The following PHACTR1 variants were observed in gnomAD, a reference collection of about 807,000 sequenced individuals.
The protein encoded by PHACTR1 is RPEL repeat containing 1.
In PHACTR1, 16 loss-of-function variants were observed where a neutral mutation model predicts 69.2. The observed-to-expected ratio is 0.23, with a 90% CI of 0.16 to 0.35. The LOEUF (loss-of-function observed/expected upper bound fraction) is 0.35. PHACTR1 is among the 10% of genes least tolerant of loss of function. The pLI, the probability that PHACTR1 is intolerant of heterozygous loss-of-function variation, is 1.00. For synonymous variants in PHACTR1, 312 were observed against 284.5 expected (o/e 1.10, Z -0.97); for missense variants, 510 against 734.7 (o/e 0.69, Z 3.54).
chr6:13,194,421 AG>A (rs1340221143), intron 7 of PHACTR1, among the ~76,000 whole-genome samples: 52 of 145,562 alleles, frequency 3.6e-4, no homozygotes, highest in African/African-American at 1.0e-3. Context: ...AAAAAAAGAA[AG>A]AAAGGAAAAA....
Position 12,973,779 on chromosome 6 carries a change from C to A in PHACTR1, c.251-79586C>A, listed in dbSNP as rs567442796. ...GACTGTTCTGACCAAAGGCACGCTG[C>A]AAAGAAAGGAGCTTATTGATTGTTA... On this transcript the variant is annotated intron_variant, in intron 4 of 14. Transcript: ENST00000332995. 3.9e-5 allele frequency among the ~76,000 whole-genome samples: 6 copies of A among 152,106 alleles called. No individual in the cohort carries two copies. The East Asian group carries it at 1.2e-3, about 29-fold the overall frequency.
At chr6:13,024,540 A>G (rs1182555803) in intron 4 of PHACTR1, among the ~76,000 whole-genome samples, 1 of 152,044 alleles carries the variant, frequency 6.6e-6, no homozygotes, top group Non-Finnish European at 1.5e-5. Flanking sequence ...TCCCTTTACC[A>G]TCCCCCTGAA....
intron 4 of PHACTR1, among the ~76,000 whole-genome samples, chr6:13,018,573 G>A (rs962906611): frequency 1.3e-5 from 2 of 152,128 alleles, no homozygotes; most frequent in Non-Finnish European, 2.9e-5. Context: ...CTGCTATACT[G>A]TGCTGCTCTG....
chr6:12,796,815 G>A (rs144077901), intron 4 of PHACTR1, among the ~76,000 whole-genome samples: 19 of 152,250 alleles, frequency 1.2e-4, no homozygotes, highest in African/African-American at 4.3e-4. Flanking sequence ...ATTAATTTCC[G>A]GAGGAAGTGC....
At chr6:12,869,053 C>G (rs1781759337) in intron 4 of PHACTR1, among the ~76,000 whole-genome samples, 1 of 152,110 alleles carries the variant, frequency 6.6e-6, no homozygotes, top group Non-Finnish European at 1.5e-5. Context: ...ATACTCTTCT[C>G]TTCATCCAAG....
intron 4 of PHACTR1, among the ~76,000 whole-genome samples, chr6:12,857,778 C>A (rs1780546526): frequency 6.6e-6 from 1 of 152,106 alleles, no homozygotes; most frequent in African/African-American, 2.4e-5. Flanking sequence ...ATTAATGTCT[C>A]CCAGTACTAG....
At chr6:12,883,710 AGTT>A (rs1283386741) in intron 4 of PHACTR1, among the ~76,000 whole-genome samples, 1 of 152,004 alleles carries the variant, frequency 6.6e-6, no homozygotes, top group Non-Finnish European at 1.5e-5. Flanking sequence ...AGCTGGAACA[AGTT>A]GATAAGATCT....
intron 3 of PHACTR1, among the ~76,000 whole-genome samples, chr6:12,728,224 C>T (rs1763045869): frequency 6.6e-6 from 1 of 152,020 alleles, no homozygotes; most frequent in South Asian, 2.1e-4. Flanking sequence ...GAGGCTGAGG[C>T]GGGCGGATTG....
chr6:12,741,381 A>C (rs1312293542), intron 3 of PHACTR1, among the ~76,000 whole-genome samples: 1 of 151,902 alleles, frequency 6.6e-6, no homozygotes, highest in Non-Finnish European at 1.5e-5. Flanking sequence ...TTTGTTATTA[A>C]CCTTTAATTT....
chr6:13,164,815 A>G (rs1314415610), intron 6 of PHACTR1, among the ~76,000 whole-genome samples: 1 of 152,228 alleles, frequency 6.6e-6, no homozygotes, highest in African/African-American at 2.4e-5. Context: ...TAAAATCCCA[A>G]ACTGGTCAAT....
chr6:13,029,512 T>C (rs1313598954), intron 4 of PHACTR1, among the ~76,000 whole-genome samples: 1 of 152,170 alleles, frequency 6.6e-6, no homozygotes, highest in Admixed American at 6.5e-5. Flanking sequence ...ACTCATATAG[T>C]ACTGCCATCA....
At chr6:12,890,353 T>C (rs1784057350) in intron 4 of PHACTR1, among the ~76,000 whole-genome samples, 1 of 152,160 alleles carries the variant, frequency 6.6e-6, no homozygotes, top group Admixed American at 6.5e-5. Context: ...TTTCATTCCC[T>C]GCAGTCCCCA....
intron 4 of PHACTR1, among the ~76,000 whole-genome samples, chr6:12,793,782 T>C (rs1233908930): frequency 6.6e-6 from 1 of 152,240 alleles, no homozygotes; most frequent in African/African-American, 2.4e-5. Context: ...CTCATGTTTC[T>C]GTTTTCTTTA....
intron 6 of PHACTR1, among the ~76,000 whole-genome samples, chr6:13,163,796 T>C (rs1019742388): frequency 1.3e-5 from 2 of 152,206 alleles, no homozygotes; most frequent in African/African-American, 4.8e-5. Flanking sequence ...TCTGAAAGTA[T>C]GGGTGATGTT....
At chr6:12,829,604 A>G (rs1290559667) in intron 4 of PHACTR1, among the ~76,000 whole-genome samples, 3 of 152,106 alleles carry the variant, frequency 2.0e-5, no homozygotes, top group African/African-American at 4.8e-5. Flanking sequence ...CCCAGAAGAG[A>G]TCTTAAATTA....
intron 4 of PHACTR1, among the ~76,000 whole-genome samples, chr6:12,995,549 T>G (rs1353657717): frequency 6.6e-6 from 1 of 152,006 alleles, no homozygotes; most frequent in African/African-American, 2.4e-5. Flanking sequence ...ATAAGGAAAA[T>G]TGTTACTTAA....
intron 4 of PHACTR1, among the ~76,000 whole-genome samples, chr6:12,839,299 G>A (rs1444469361): frequency 6.6e-6 from 1 of 152,150 alleles, no homozygotes; most frequent in Middle Eastern, 3.2e-3. Flanking sequence ...TGTGACCAAG[G>A]AATGGTGTCA....
intron 4 of PHACTR1, among the ~76,000 whole-genome samples, chr6:12,946,581 G>C (rs1790692511): frequency 6.6e-6 from 1 of 152,098 alleles, no homozygotes; most frequent in Non-Finnish European, 1.5e-5. Flanking sequence ...CCAGGGAAAA[G>C]TAAGGCCAAA....
In PHACTR1 at chr6:13,179,226, A is replaced by G. The variant is rs1478602060; in HGVS notation, c.497-3293A>G. The stretch of plus-strand genomic sequence containing the variant: ...ACTCCAGCCTGGGCAACAGAGTGAG[A>G]CCCTGTCTCAAACAAACAGCAACAA... On this transcript the variant is annotated intron_variant, in intron 6 of 14. Transcript: ENST00000332995. The surrounding 1 kb of genome is among the most constrained non-coding windows in gnomAD (Gnocchi z 4.2). Among the ~76,000 whole-genome samples, 2 of 152,096 alleles carry G rather than the reference A, an allele frequency of 1.3e-5. No homozygotes were observed. The highest frequency in any genetic ancestry group is 2.9e-5 in the Non-Finnish European group (2 of 68,020).
Sources: gnomAD v4.1 joint callset for allele counts (sites outside exome capture counted in the v4.1 genomes callset) on GRCh38, gnomAD v4.1.1 for gene constraint, Gnocchi (gnomAD v3.1) non-coding constraint, MANE v1.5 for transcripts, NCBI Gene and HGNC (gene_info 2026-07-23, HGNC 2026-07-21) for gene names.